Variants in CPN2 observed in about 807,000 individuals in gnomAD.
The protein encoded by CPN2 is carboxypeptidase N 83 kDa chain.
For synonymous variants in CPN2, 336 were observed against 318.4 expected (o/e 1.06, Z -0.59); for missense variants, 620 against 671.4 (o/e 0.92, Z 0.85).
intron 1 of CPN2, among the ~76,000 whole-genome samples, chr3:194,349,690 G>A (rs902755438): frequency 6.7e-6 from 1 of 150,098 alleles, no homozygotes; most frequent in Non-Finnish European, 1.5e-5. Context: ...TGTGAACTGG[G>A]CACTATGCGA....
In CPN2 at chr3:194,340,752, T is replaced by TC; in HGVS notation, c.*312_*313insG. The TC allele has an allele frequency of 6.2e-6, 2 of 320,882 alleles. No homozygotes were observed. The highest frequency in any genetic ancestry group is 8.4e-5 in the South Asian group (1 of 11,958). The allele number at this position is 320,882 out of a possible 1,614,324, so 19.9% of individuals were successfully genotyped here. On this transcript the variant is annotated 3_prime_UTR_variant, in exon 2 of 2. Coordinates refer to ENST00000323830, the MANE Select transcript of CPN2 (RefSeq NM_001080513.4). ...CAGGGTGTAGGTGAGAGCGGTTGGG[T>TC]GTTACATAATGGGGAGGCATCAGGG...
intron 1 of CPN2, among the ~76,000 whole-genome samples, chr3:194,344,510 G>A (rs1300318606): frequency 6.6e-6 from 1 of 152,156 alleles, no homozygotes; most frequent in East Asian, 1.9e-4. Flanking sequence ...GCCTGGCCAA[G>A]ATGGTGAAAC....
intron 1 of CPN2, among the ~76,000 whole-genome samples, 168 bp downstream of exon 1, chr3:194,351,074 G>A (rs1403584490): frequency 1.3e-5 from 2 of 152,104 alleles, no homozygotes; most frequent in Non-Finnish European, 2.9e-5. Context: ...TCCCAGCAGC[G>A]CCCTAGCTGA....
At chr3:194,343,273 T>C (rs1433973921) in intron 1 of CPN2, among the ~76,000 whole-genome samples, 3 of 152,234 alleles carry the variant, frequency 2.0e-5, no homozygotes, top group Non-Finnish European at 4.4e-5. Flanking sequence ...GAACAGTAGA[T>C]TTCTTTAAAA....
Position 194,341,014 on chromosome 3 carries a change from G to A in CPN2, c.*51C>T, listed in dbSNP as rs369285370. The A allele has an allele frequency of 4.1e-5, 62 of 1,519,908 alleles. No individual in the cohort carries two copies. The African/African-American group carries it at 5.4e-4, about 13-fold the overall frequency. The allele number at this position is 1,519,908 out of a possible 1,614,324, so 94.2% of individuals were successfully genotyped here. A position where few individuals can be genotyped will look rare whatever the true frequency, so the allele number is the denominator to read the frequency against. ...CAGCTCCCCTCCGCCCCTACCTGTC[G>A]CCTGGTCAGGCCCCAGAGGCCCCCT... On this transcript the variant is annotated 3_prime_UTR_variant, in exon 2 of 2. Transcript: ENST00000323830.
intron 1 of CPN2, among the ~76,000 whole-genome samples, chr3:194,346,142 C>T (rs1713038437): frequency 6.6e-6 from 1 of 152,236 alleles, no homozygotes; most frequent in Admixed American, 6.5e-5. Flanking sequence ...CCAGGGCAGG[C>T]AGACTGGGGC....
chr3:194,349,230 G>A (rs565488879), intron 1 of CPN2, among the ~76,000 whole-genome samples: 14 of 152,096 alleles, frequency 9.2e-5, no homozygotes, highest in East Asian at 1.9e-4. Flanking sequence ...GCGTGGTGGT[G>A]TGCGCCTGTA....
chr3:194,341,901 T>C lies in CPN2; in HGVS notation c.802A>G (p.Thr268Ala). 1 of 1,613,760 alleles carries C rather than the reference T, an allele frequency of 6.2e-7. No homozygotes were observed. The highest frequency in any genetic ancestry group is 8.5e-7 in the Non-Finnish European group (1 of 1,179,954). Residue 268 changes from threonine to alanine, a missense_variant, in exon 2 of 2, where the codon ACC (threonine) becomes GCC (alanine). By Grantham distance (58) the Thr-to-Ala change is moderately conservative. Transcript: ENST00000323830. ...ATGTTCCACTGCAAGCTCAGAAAGG[T>C]CAGATTACCCAGGGAGGCAAAGATG... ...LSIFASLGNL[T>A]FLSLQWNMLR...
Position 194,342,353 on chromosome 3 carries a change from A to G in CPN2, c.350T>C (p.Phe117Ser), listed in dbSNP as rs1376207243. 6.2e-7 allele frequency: 1 copy of G among 1,613,960 alleles called. No individual in the cohort carries two copies. The highest frequency in any genetic ancestry group is 1.7e-5 in the Admixed American group (1 of 60,002). The change falls in exon 2 of 2, where the codon TTC becomes TCC. Residue 117 changes from phenylalanine (F) to serine (S), a missense_variant. Transcript: ENST00000323830. ...CTTGCCCAGCGAGGTCAGGTTGGAGAAGATGTTGGTGCTGAGGTTCAAGAA... is the reference window on the plus strand; with the variant it reads ...CTTGCCCAGCGAGGTCAGGTTGGAGGAGATGTTGGTGCTGAGGTTCAAGAA... ...SSFLNLSTNI[F>S]SNLTSLGKLT...
chr3:194,343,201 G>A (rs1712930665), intron 1 of CPN2, among the ~76,000 whole-genome samples: 1 of 152,098 alleles, frequency 6.6e-6, no homozygotes, highest in Non-Finnish European at 1.5e-5. Context: ...CCTCCACGGC[G>A]AGACCCGAGG....
Position 194,340,762 on chromosome 3 carries a change from T to G in CPN2, c.*303A>C, listed in dbSNP as rs574964468. On this transcript the variant is annotated 3_prime_UTR_variant, in exon 2 of 2. Coordinates refer to ENST00000323830, the MANE Select transcript of CPN2 (RefSeq NM_001080513.4). Reference sequence around the variant, plus strand: ...GTGAGAGCGGTTGGGTGTTACATAATGGGGAGGCATCAGGGCTGAGGATAT... The same window carrying G: ...GTGAGAGCGGTTGGGTGTTACATAAGGGGGAGGCATCAGGGCTGAGGATAT... The G allele has an allele frequency of 1.0e-4, 36 of 348,586 alleles. No homozygotes were observed. Among genetic ancestry groups the G allele is most frequent in the African/African-American group, 7.3e-4 (36 of 49,442 alleles). 21.6% of individuals were successfully genotyped at this position (348,586 alleles called of 1,614,324 possible). A position where few individuals can be genotyped will look rare whatever the true frequency, so the allele number is the denominator to read the frequency against.
chr3:194,347,849 C>T (rs1305006880), intron 1 of CPN2, among the ~76,000 whole-genome samples: 1 of 14,548 alleles, frequency 6.9e-5, no homozygotes, highest in African/African-American at 3.3e-4. Context: ...CCACACCACC[C>T]ACTGCCCAGT....
chr3:194,347,084 C>T (rs1331562894), intron 1 of CPN2, among the ~76,000 whole-genome samples: 1 of 152,148 alleles, frequency 6.6e-6, no homozygotes, highest in African/African-American at 2.4e-5. Context: ...CCCAGGGCCA[C>T]AGTGGGGTGG....
In CPN2 at chr3:194,342,662, A is replaced by G; in HGVS notation, c.41T>C (p.Leu14Pro). 6.3e-7 allele frequency: 1 copy of G among 1,591,054 alleles called. No individual in the cohort carries two copies. The highest frequency in any genetic ancestry group is 1.7e-4 in the Middle Eastern group (1 of 5,970). ...ACAGGGCTGGGCAGGCCTGGCCAGG[A>G]GCAGGAGGGAGGTCCAGAGCAGCCA... ...GAWLLWTSLL[L>P]LARPAQPCPM... The change falls in exon 2 of 2, where the codon CTC (leucine) becomes CCC (proline). Residue 14 changes from leucine to proline, a missense_variant. By Grantham distance (98) the Leu-to-Pro change is moderately conservative. Transcript: ENST00000323830.
At chr3:194,347,711 ACCC>A (rs1713100742) in intron 1 of CPN2, among the ~76,000 whole-genome samples, 1 of 31,310 alleles carries the variant, frequency 3.2e-5, no homozygotes, top group Admixed American at 3.6e-4. Flanking sequence ...AGTTCAGCCC[ACCC>A]CATCTGCTGC....
intron 1 of CPN2, among the ~76,000 whole-genome samples, chr3:194,349,746 T>C (rs1713191870): frequency 7.0e-6 from 1 of 142,536 alleles, no homozygotes. Context: ...CAAGTCACAC[T>C]TCCCCCATGA....
intron 1 of CPN2, among the ~76,000 whole-genome samples, chr3:194,350,613 A>T (rs374400306): frequency 6.6e-5 from 10 of 152,192 alleles, no homozygotes; most frequent in African/African-American, 2.4e-4. Flanking sequence ...GTTCAATAAA[A>T]GGTGGCCCCC....
intron 1 of CPN2, among the ~76,000 whole-genome samples, chr3:194,347,442 G>A (rs574095484): frequency 2.0e-5 from 3 of 152,246 alleles, no homozygotes; most frequent in Middle Eastern, 3.4e-3. Flanking sequence ...CCTCACCAAC[G>A]GGCCTGGATT....
In CPN2 at chr3:194,341,988, G is replaced by A. The variant is rs1258938770; in HGVS notation, c.715C>T (p.Gln239Ter). 1 of 1,614,176 alleles carries A rather than the reference G, an allele frequency of 6.2e-7. No homozygotes were observed. Among genetic ancestry groups the A allele is most frequent in the Non-Finnish European group, 8.5e-7 (1 of 1,180,038 alleles). The change falls in exon 2 of 2, where the codon CAG (glutamine) becomes TAG (stop). Residue 239 changes from glutamine to a stop codon, truncating the protein, a stop_gained. Coordinates refer to ENST00000323830, the MANE Select transcript of CPN2 (RefSeq NM_001080513.4). LOFTEE classifies it low-confidence loss of function (END_TRUNC). ...CACAGCCTCTCTAGGCAGAAGAGCT[G>A]GGAGAACACCTGAGGGGGCAGCTCC... Reference protein sequence around the residue: ...ISELPPQVFSQLFCLERLWLQ... With the variant: ...ISELPPQVFS
Sources: gnomAD v4.1 joint callset for allele counts (sites outside exome capture counted in the v4.1 genomes callset) on GRCh38, gnomAD v4.1.1 for gene constraint, MANE v1.5 for transcripts, NCBI Gene and HGNC (gene_info 2026-07-23, HGNC 2026-07-21) for gene names.